The following OR51M1 variants were observed in gnomAD, a reference collection of about 807,000 sequenced individuals.
The protein encoded by OR51M1 is olfactory receptor 51M1.
For missense variants in OR51M1, 509 were observed against 404.4 expected (o/e 1.26, Z -2.22); for synonymous variants, 199 against 155.1 (o/e 1.28, Z -2.10).
chr11:5,390,453 T>A lies in OR51M1; in HGVS notation c.*74T>A, dbSNP rs1849779219. 2 of 1,266,432 alleles carry A rather than the reference T, an allele frequency of 1.6e-6. No homozygotes were observed. Among genetic ancestry groups the A allele is most frequent in the East Asian group, 2.5e-5 (1 of 39,354 alleles). The allele number at this position is 1,266,432 out of a possible 1,614,324, so 78.4% of individuals were successfully genotyped here. A position where few individuals can be genotyped will look rare whatever the true frequency, so the allele number is the denominator to read the frequency against. On this transcript the variant is annotated 3_prime_UTR_variant, in exon 3 of 3. Coordinates refer to ENST00000642046, the MANE Select transcript of OR51M1 (RefSeq NM_001004756.3). Reference sequence around the variant, plus strand: ...TGGACTGAAAATTTGGAGTATTGAGTATATAGCATGCTCTTAAAGATTTTT... The same window carrying A: ...TGGACTGAAAATTTGGAGTATTGAGAATATAGCATGCTCTTAAAGATTTTT...
At chr11:5,387,690 C>G (rs997283925) in intron 2 of OR51M1, among the ~76,000 whole-genome samples, 3 of 151,148 alleles carry the variant, frequency 2.0e-5, no homozygotes, top group Non-Finnish European at 4.4e-5. Flanking sequence ...TCAAGCTGCT[C>G]TCTGCTTCAG....
chr11:5,390,334 C>T lies in OR51M1; in HGVS notation c.936C>T (p.His312=). ...IIYSIKTKEI[H]RAIIKFLGLK... is the part of the protein sequence containing the mutation. ...ACAGCATTAAGACCAAGGAGATCCA[C>T]CGTGCCATTATCAAGTTCCTAGGTC... is the stretch of plus-strand genomic sequence containing the variant. Residue 312 remains histidine, a synonymous_variant, in exon 3 of 3, where the codon CAC becomes CAT. Coordinates refer to ENST00000642046, the MANE Select transcript of OR51M1 (RefSeq NM_001004756.3). 6.2e-7 allele frequency: 1 copy of T among 1,612,280 alleles called. No individual in the cohort carries two copies. The highest frequency in any genetic ancestry group is 8.5e-7 in the Non-Finnish European group (1 of 1,179,020).
chr11:5,385,944 C>CA (rs1564795731), intron 2 of OR51M1, among the ~76,000 whole-genome samples: 2 of 147,936 alleles, frequency 1.4e-5, no homozygotes, highest in East Asian at 3.9e-4. Context: ...TAAGTATGTT[C>CA]TATATATATA....
chr11:5,389,321 G>A, intron 2 of OR51M1, 63 bp from the exon 3 acceptor site: 1 of 1,361,570 alleles, frequency 7.3e-7, no homozygotes. Context: ...GGTACTGCTT[G>A]TGATGTTGTG....
rs1179992778 is a variant in OR51M1, at chr11:5,393,124, A to G, written c.*2745A>G. On this transcript the variant is annotated 3_prime_UTR_variant, in exon 3 of 3. Coordinates refer to ENST00000642046, the MANE Select transcript of OR51M1 (RefSeq NM_001004756.3). ...ATAAATGATAAATTAAAAATTTAGG[A>G]TGTAAGCTGTTTGTGGCAAAATTTT... 1.3e-5 allele frequency: 2 copies of G among 152,210 alleles called. No homozygotes were observed. The highest frequency in any genetic ancestry group is 2.9e-5 in the Non-Finnish European group (2 of 68,030). The allele number at this position is 152,210 out of a possible 1,614,324, so 9.4% of individuals were successfully genotyped here. A position where few individuals can be genotyped will look rare whatever the true frequency, so the allele number is the denominator to read the frequency against.
chr11:5,388,868 G>C (rs544056226), intron 2 of OR51M1, among the ~76,000 whole-genome samples: 2 of 152,054 alleles, frequency 1.3e-5, no homozygotes, highest in East Asian at 1.9e-4. Context: ...GAAACCCTAG[G>C]ACTTGGTGAT....
At position 5,390,006 on chromosome 11, in the gene OR51M1, A is replaced by G; in HGVS notation, c.608A>G (p.Asp203Gly). 2 of 1,613,320 alleles carry G rather than the reference A, an allele frequency of 1.2e-6. No homozygotes were observed. Among genetic ancestry groups the G allele is most frequent in the Non-Finnish European group, 1.7e-6 (2 of 1,179,892 alleles). Residue 203 changes from aspartate to glycine, a missense_variant, in exon 3 of 3, where the codon GAT becomes GGT. Coordinates refer to ENST00000642046, the MANE Select transcript of OR51M1 (RefSeq NM_001004756.3). ...HQEVIQLACT[D>G]ITFNNLYGLM... ...GAAGTGATACAGCTGGCCTGCACAGATATCACCTTCAATAATCTGTATGGA... is the reference window on the plus strand; with the variant it reads ...GAAGTGATACAGCTGGCCTGCACAGGTATCACCTTCAATAATCTGTATGGA...
rs781149788 is a variant in OR51M1 at position 5,392,128 on chromosome 11, T to C, written c.*1749T>C. On this transcript the variant is annotated 3_prime_UTR_variant, in exon 3 of 3. Coordinates refer to ENST00000642046, the MANE Select transcript of OR51M1 (RefSeq NM_001004756.3). Reference sequence around the variant, plus strand: ...AAAAAAGAACCAAACTCTAAAAATATGTATGTATGTTTGTGCGGTTTCTTG... The same window carrying C: ...AAAAAAGAACCAAACTCTAAAAATACGTATGTATGTTTGTGCGGTTTCTTG... The C allele has an allele frequency of 3.3e-5, 5 of 152,100 alleles. No individual in the cohort carries two copies. The highest frequency in any genetic ancestry group is 7.4e-5 in the Non-Finnish European group (5 of 68,016). 9.4% of individuals were successfully genotyped at this position (152,100 alleles called of 1,614,324 possible). A position where few individuals can be genotyped will look rare whatever the true frequency, so the allele number is the denominator to read the frequency against.
intron 2 of OR51M1, among the ~76,000 whole-genome samples, chr11:5,387,907 T>C (rs1255258561): frequency 6.6e-6 from 1 of 152,130 alleles, no homozygotes; most frequent in East Asian, 1.9e-4. Context: ...AGTATGTATG[T>C]ATGTGTTTAT....
rs138964863 is a variant in OR51M1 at position 5,386,152 on chromosome 11, CAG to C, written c.-16+695_-16+696del. Among the ~76,000 whole-genome samples the C allele has an allele frequency of 8.4e-3, 1,274 of 152,070 alleles. 19 individuals carry two copies. The highest frequency in any genetic ancestry group is 0.026 in the African/African-American group (1,085 of 41,472). On this transcript the variant is annotated intron_variant, in intron 2 of 2. Transcript: ENST00000642046. ...CGCAAGTGTTTACTGGTTGGAAAAACAGGGGTGGTTTTTGCCAAGAAAGCAAT... is the reference window on the plus strand; with the variant it reads ...CGCAAGTGTTTACTGGTTGGAAAAACGGGTGGTTTTTGCCAAGAAAGCAAT...
At chr11:5,387,487 GC>G (rs1849714582) in intron 2 of OR51M1, among the ~76,000 whole-genome samples, 1 of 151,818 alleles carries the variant, frequency 6.6e-6, no homozygotes, top group African/African-American at 2.4e-5. Context: ...AGTGATGTAA[GC>G]CTTATATCCA....
At chr11:5,387,787 A>C (rs1849721749) in intron 2 of OR51M1, among the ~76,000 whole-genome samples, 1 of 152,106 alleles carries the variant, frequency 6.6e-6, no homozygotes, top group African/African-American at 2.4e-5. Context: ...TTCTTCTCTA[A>C]AATTACCTAC....
intron 2 of OR51M1, among the ~76,000 whole-genome samples, chr11:5,386,336 C>T (rs1360860426): frequency 6.6e-6 from 1 of 152,056 alleles, no homozygotes; most frequent in South Asian, 2.1e-4. Flanking sequence ...GCTACCAGGG[C>T]CATGCATAGA....
In OR51M1 at chr11:5,390,033, T is replaced by G; in HGVS notation, c.635T>G (p.Leu212Arg). The change falls in exon 3 of 3, where the codon CTG becomes CGG. Residue 212 changes from leucine (L) to arginine (R), a missense_variant. Physicochemically the swap from Leu to Arg is moderately radical, Grantham distance 102. Coordinates refer to ENST00000642046, the MANE Select transcript of OR51M1 (RefSeq NM_001004756.3). ...TDITFNNLYG[L>R]MVVVFTVMLD... ...ATCACCTTCAATAATCTGTATGGAC[T>G]GATGGTGGTAGTTTTCACTGTGATG... The G allele has an allele frequency of 6.2e-7, 1 of 1,613,646 alleles. No individual in the cohort carries two copies. Among genetic ancestry groups the G allele is most frequent in the Non-Finnish European group, 8.5e-7 (1 of 1,179,870 alleles).
At position 5,390,338 on chromosome 11, in the gene OR51M1, G is replaced by C. The variant is rs778867452; in HGVS notation, c.940G>C (p.Ala314Pro). 6.2e-7 allele frequency: 1 copy of C among 1,611,696 alleles called. No individual in the cohort carries two copies. Among genetic ancestry groups the C allele is most frequent in the Non-Finnish European group, 8.5e-7 (1 of 1,178,748 alleles). The change falls in exon 3 of 3, where the codon GCC becomes CCC. Residue 314 changes from alanine to proline, a missense_variant. Ala to Pro is a conservative substitution (Grantham distance 27). Transcript: ENST00000642046. ...CATTAAGACCAAGGAGATCCACCGT[G>C]CCATTATCAAGTTCCTAGGTCTTAA... is the stretch of plus-strand genomic sequence containing the variant. ...YSIKTKEIHR[A>P]IIKFLGLKKA...
intron 2 of OR51M1, among the ~76,000 whole-genome samples, chr11:5,387,479 T>C (rs528025805): frequency 2.1e-4 from 32 of 152,046 alleles, no homozygotes; most frequent in Admixed American, 1.5e-3. Flanking sequence ...CTTGCCAAAG[T>C]GATGTAAGCC....
intron 2 of OR51M1, among the ~76,000 whole-genome samples, chr11:5,385,714 A>ATAAG (rs150579480): frequency 0.031 from 4,696 of 150,580 alleles, 224 homozygotes; most frequent in African/African-American, 0.1. Context: ...CAAAGTATAT[A>ATAAG]TATGTGTACA....
At chr11:5,384,830 A>G (rs1457497564) in intron 1 of OR51M1, among the ~76,000 whole-genome samples, 1 of 152,196 alleles carries the variant, frequency 6.6e-6, no homozygotes, top group Non-Finnish European at 1.5e-5. Flanking sequence ...TTCGCCTTCC[A>G]AAATCCTCCT....
At chr11:5,387,647 T>C (rs1237217626) in intron 2 of OR51M1, among the ~76,000 whole-genome samples, 1 of 152,186 alleles carries the variant, frequency 6.6e-6, no homozygotes, top group Non-Finnish European at 1.5e-5. Context: ...CTCCATTGAA[T>C]ATACATTGGC....
Sources: gnomAD v4.1 joint callset for allele counts (sites outside exome capture counted in the v4.1 genomes callset) on GRCh38, gnomAD v4.1.1 for gene constraint, MANE v1.5 for transcripts, NCBI Gene and HGNC (gene_info 2026-07-23, HGNC 2026-07-21) for gene names.